The following PRKCE variants were observed in gnomAD, a reference collection of about 807,000 sequenced individuals.
PRKCE encodes the protein protein kinase C epsilon type.
Under a neutral mutation model 85.4 loss-of-function variants are expected in PRKCE, and 16 were observed. That is an observed-to-expected ratio of 0.19 (90% CI 0.13 to 0.28). The LOEUF is 0.28. Among genes scored for constraint, PRKCE ranks in the 10% least tolerant of loss-of-function variants. The pLI, the probability that PRKCE is intolerant of heterozygous loss-of-function variation, is 1.00. For missense variants in PRKCE, 573 were observed against 975.2 expected (o/e 0.59, Z 5.49); for synonymous variants, 388 against 371.5 (o/e 1.04, Z -0.51).
chr2:46,028,945 A>G (rs1444421023), intron 10 of PRKCE, among the ~76,000 whole-genome samples: 9 of 152,210 alleles, frequency 5.9e-5, no homozygotes, highest in Non-Finnish European at 1.0e-4. Flanking sequence ...TTTGCTAAGG[A>G]TAATGGCCTC....
chr2:45,673,753 C>T (rs1199256827), intron 1 of PRKCE, among the ~76,000 whole-genome samples: 2 of 152,130 alleles, frequency 1.3e-5, no homozygotes, highest in African/African-American at 2.4e-5. Flanking sequence ...AATAGAAGTG[C>T]AAACAAGGCC....
chr2:45,851,822 G>A (rs1026268560), intron 2 of PRKCE: 1 of 152,212 alleles, frequency 6.6e-6, no homozygotes, highest in Non-Finnish European at 1.5e-5. Context: ...TTTATTGCTT[G>A]ATAGACACCT....
intron 2 of PRKCE, among the ~76,000 whole-genome samples, chr2:45,885,798 G>T (rs894350518): frequency 6.6e-6 from 1 of 152,180 alleles, no homozygotes; most frequent in Non-Finnish European, 1.5e-5. Flanking sequence ...CAAATTTGTG[G>T]GTTTTGGGTG....
intron 2 of PRKCE, among the ~76,000 whole-genome samples, chr2:45,855,228 G>A (rs1267281506): frequency 6.6e-6 from 1 of 152,146 alleles, no homozygotes; most frequent in Non-Finnish European, 1.5e-5. Flanking sequence ...AGGCTGATAA[G>A]GCAGTGTTTA....
chr2:45,948,042 G>A (rs1573987104), intron 2 of PRKCE, among the ~76,000 whole-genome samples: 1 of 152,222 alleles, frequency 6.6e-6, no homozygotes, highest in Admixed American at 6.5e-5. Flanking sequence ...CTACGTGAAT[G>A]TCTTATATCT....
chr2:46,145,144 G>T lies in PRKCE; in HGVS notation c.1644G>T (p.Leu548=). 6.3e-7 allele frequency: 1 copy of T among 1,599,754 alleles called. No individual in the cohort carries two copies. Among genetic ancestry groups the T allele is most frequent in the Non-Finnish European group, 8.5e-7 (1 of 1,179,962 alleles). The change falls in exon 12 of 15, where the codon CTG becomes CTT. Residue 548 remains leucine, a synonymous_variant. Transcript: ENST00000306156. The surrounding 1 kb of genome is among the most constrained non-coding windows in gnomAD (Gnocchi z 4.6). ...ILLDAEGHCK[L]ADFGMCKEGI... ...TGGATGCAGAAGGTCACTGCAAGCT[G>T]GCTGACTTCGGGATGTGCAAGGAAG...
At chr2:45,988,273 A>G (rs917137618) in intron 6 of PRKCE, among the ~76,000 whole-genome samples, 3 of 152,148 alleles carry the variant, frequency 2.0e-5, no homozygotes, top group African/African-American at 7.2e-5. Context: ...ATTTTCAGCA[A>G]AACAGGTTTC....
intron 1 of PRKCE, among the ~76,000 whole-genome samples, chr2:45,829,484 C>A (rs916168271): frequency 3.3e-5 from 5 of 152,082 alleles, no homozygotes; most frequent in African/African-American, 4.8e-5. Context: ...CTGTATTAAC[C>A]AAGTGGGCAG....
At chr2:45,814,667 G>A (rs1010174101) in intron 1 of PRKCE, among the ~76,000 whole-genome samples, 4 of 152,226 alleles carry the variant, frequency 2.6e-5, no homozygotes, top group African/African-American at 9.6e-5. Context: ...CTATTCGGGG[G>A]TGTGAGCCAG....
At chr2:45,730,393 A>G (rs1681463891) in intron 1 of PRKCE, among the ~76,000 whole-genome samples, 1 of 151,722 alleles carries the variant, frequency 6.6e-6, no homozygotes, top group Non-Finnish European at 1.5e-5. Flanking sequence ...CCTGGCCTCA[A>G]GTGATCCTCC....
At position 45,748,948 on chromosome 2, in the gene PRKCE, G is replaced by GGT. The variant is rs1683343388; in HGVS notation, c.349-94048_349-94047dup. Among the ~76,000 whole-genome samples, 9 of 150,426 alleles carry GGT rather than the reference G, an allele frequency of 6.0e-5. 1 individual carries two copies. In the South Asian group the frequency reaches 1.9e-3, roughly 32 times the overall value. On this transcript the variant is annotated intron_variant, in intron 1 of 14. Transcript: ENST00000306156. ...TGTGTAGCCCAGGCTGGAGTACAGT[G>GGT]GTGTGATCTTGGCTCACTGCAACCT...
chr2:45,963,793 C>CCATT (rs1701546496), intron 2 of PRKCE, among the ~76,000 whole-genome samples: 2 of 152,136 alleles, frequency 1.3e-5, no homozygotes, highest in South Asian at 4.1e-4. Flanking sequence ...TTGGGAAAGA[C>CCATT]CATTATTTTT....
intron 11 of PRKCE, among the ~76,000 whole-genome samples, chr2:46,134,973 C>G (rs1451068532): frequency 6.6e-6 from 1 of 152,220 alleles, no homozygotes; most frequent in Non-Finnish European, 1.5e-5. Flanking sequence ...GATGATCATG[C>G]AATCAGATAA....
chr2:46,056,669 T>C (rs1666611370), intron 10 of PRKCE, among the ~76,000 whole-genome samples: 1 of 152,200 alleles, frequency 6.6e-6, no homozygotes, highest in Non-Finnish European at 1.5e-5. Flanking sequence ...TATCTAAAAA[T>C]ATGTGTTGGA....
intron 2 of PRKCE, among the ~76,000 whole-genome samples, chr2:45,853,472 A>G (rs1404223162): frequency 1.3e-5 from 2 of 152,138 alleles, no homozygotes; most frequent in Non-Finnish European, 2.9e-5. Flanking sequence ...CCACTGTGCT[A>G]ATTTTTTCCT....
chr2:45,666,999 C>A (rs987629470), intron 1 of PRKCE, among the ~76,000 whole-genome samples: 1 of 152,104 alleles, frequency 6.6e-6, no homozygotes, highest in African/African-American at 2.4e-5. Flanking sequence ...CACTACCATG[C>A]CTAGCTAATT....
intron 2 of PRKCE, among the ~76,000 whole-genome samples, chr2:45,891,446 C>G (rs950033985): frequency 1.3e-5 from 2 of 152,202 alleles, no homozygotes; most frequent in Non-Finnish European, 2.9e-5. Context: ...CACCATTGCT[C>G]CCATCCTGAT....
In PRKCE at chr2:46,001,176, G is replaced by A. The variant is rs1218878640; in HGVS notation, c.824-228G>A. Among the ~76,000 whole-genome samples the A allele has an allele frequency of 2.0e-5, 3 of 151,698 alleles. No individual in the cohort carries two copies. The highest frequency in any genetic ancestry group is 7.3e-5 in the African/African-American group (3 of 41,236). ...TAGGGTATACGTAGAAAGGATGGCT[G>A]GAATGAAGTACTAGAAACAGTGGTT... On this transcript the variant is annotated intron_variant, in intron 6 of 14. Coordinates refer to ENST00000306156, the MANE Select transcript of PRKCE (RefSeq NM_005400.3). This position sits in a 1 kb window ranked among gnomAD's most constrained non-coding sequence, Gnocchi z 4.4.
chr2:46,117,032 T>C (rs1445915704), intron 11 of PRKCE, among the ~76,000 whole-genome samples: 1 of 152,156 alleles, frequency 6.6e-6, no homozygotes, highest in Non-Finnish European at 1.5e-5. Flanking sequence ...TTTTAATAGC[T>C]CAGAATCAAA....
Sources: allele counts gnomAD v4.1 joint callset (sites outside exome capture counted in the v4.1 genomes callset), GRCh38; gene constraint gnomAD v4.1.1; non-coding constraint Gnocchi (gnomAD v3.1); transcripts MANE v1.5; gene names NCBI Gene and HGNC (gene_info 2026-07-23, HGNC 2026-07-21).